Variants in LCORL observed in about 807,000 individuals in gnomAD.
LCORL encodes the protein ligand dependent nuclear receptor corepressor like, also known as ligand-dependent nuclear receptor corepressor-like protein.
LCORL carries 41 observed loss-of-function variants against 141.8 expected under a neutral mutation model. The observed-to-expected ratio is 0.29, with a 90% CI of 0.23 to 0.38. The LOEUF (loss-of-function observed/expected upper bound fraction) is 0.38, where lower values mean the gene tolerates loss of function less well. Among genes scored for constraint, LCORL ranks in the 10% least tolerant of loss-of-function variants. LCORL has a pLI of 1.00. For missense variants in LCORL, 1,759 were observed against 2,035.0 expected (o/e 0.86, Z 2.61); for synonymous variants, 618 against 694.1 (o/e 0.89, Z 1.72).
intron 1 of LCORL, among the ~76,000 whole-genome samples, chr4:17,989,506 A>G (rs540534068): frequency 4.2e-4 from 64 of 152,340 alleles, no homozygotes; most frequent in Non-Finnish European, 6.6e-4. Flanking sequence ...ATTACACTAG[A>G]GTTTATGATT....
At chr4:17,982,605 C>T (rs150001761) in intron 1 of LCORL, among the ~76,000 whole-genome samples, 55 of 152,174 alleles carry the variant, frequency 3.6e-4, no homozygotes, top group African/African-American at 5.3e-4. Context: ...GTCCTTTGCC[C>T]GCTTTTTAAT....
At chr4:17,985,964 A>C (rs1718892089) in intron 1 of LCORL, among the ~76,000 whole-genome samples, 1 of 152,138 alleles carries the variant, frequency 6.6e-6, no homozygotes, top group Admixed American at 6.5e-5. Context: ...GATAGTAACA[A>C]ATACCCTCAG....
At chr4:17,949,962 A>T (rs1739463606) in intron 4 of LCORL, among the ~76,000 whole-genome samples, 1 of 152,180 alleles carries the variant, frequency 6.6e-6, no homozygotes, top group African/African-American at 2.4e-5. Flanking sequence ...TTAAACCACT[A>T]TGCACATTTT....
At position 18,021,458 on chromosome 4, in the gene LCORL, G is replaced by T; in HGVS notation, c.154+140C>A. On this transcript the variant is annotated intron_variant, in intron 1 of 7. Transcript: ENST00000635767. The surrounding 1 kb of genome is among the most constrained non-coding windows in gnomAD (Gnocchi z 5.5). Reference sequence around the variant, plus strand: ...ACAAAAGGCGAGCGCCGGGGCCGCCGCGCCGCGCCGCTCCCATCTCGCTCC... The same window carrying T: ...ACAAAAGGCGAGCGCCGGGGCCGCCTCGCCGCGCCGCTCCCATCTCGCTCC... The T allele has an allele frequency of 1.5e-6, 1 of 673,014 alleles. No homozygotes were observed. The highest frequency in any genetic ancestry group is 2.3e-6 in the Non-Finnish European group (1 of 440,570). The allele number at this position is 673,014 out of a possible 1,614,324, so 41.7% of individuals were successfully genotyped here. A position where few individuals can be genotyped will look rare whatever the true frequency, so the allele number is the denominator to read the frequency against.
intron 4 of LCORL, among the ~76,000 whole-genome samples, chr4:17,959,212 A>G (rs552430964): frequency 6.6e-6 from 1 of 152,192 alleles, no homozygotes; most frequent in African/African-American, 2.4e-5. Flanking sequence ...ATAGAAACCT[A>G]TAAGAAATAT....
chr4:18,001,065 G>A (rs924229570), intron 1 of LCORL, among the ~76,000 whole-genome samples: 3 of 152,178 alleles, frequency 2.0e-5, no homozygotes, highest in African/African-American at 7.2e-5. Context: ...CAGCACTTTG[G>A]GAGGCCAAGG....
At chr4:18,014,833 T>C (rs562890593) in intron 1 of LCORL, among the ~76,000 whole-genome samples, 1 of 152,194 alleles carries the variant, frequency 6.6e-6, no homozygotes, top group African/African-American at 2.4e-5. Context: ...CTTATCTAGA[T>C]TGCATTGTGA....
chr4:17,979,763 C>T (rs1405903257), intron 1 of LCORL, among the ~76,000 whole-genome samples: 1 of 152,150 alleles, frequency 6.6e-6, no homozygotes, highest in Non-Finnish European at 1.5e-5. Context: ...ACCCAGTACC[C>T]TTGAGCAAAC....
intron 1 of LCORL, among the ~76,000 whole-genome samples, chr4:17,996,977 CG>C (rs1721016209): frequency 6.6e-6 from 1 of 152,098 alleles, no homozygotes; most frequent in Non-Finnish European, 1.5e-5. Flanking sequence ...CCAACCATTC[CG>C]TAAGTAAATT....
intron 6 of LCORL, among the ~76,000 whole-genome samples, 177 bp downstream of exon 6, chr4:17,885,891 A>C (rs1010085953): frequency 6.6e-6 from 1 of 151,900 alleles, no homozygotes; most frequent in Admixed American, 6.6e-5. Context: ...TCTTTAACAG[A>C]AAGAATAAAA....
At chr4:17,991,500 T>C (rs1171925749) in intron 1 of LCORL, among the ~76,000 whole-genome samples, 1 of 152,228 alleles carries the variant, frequency 6.6e-6, no homozygotes, top group Non-Finnish European at 1.5e-5. Context: ...TAGTCACACA[T>C]TCCAAGTTGG....
intron 6 of LCORL, chr4:17,883,673 A>AACACACAC (rs139656197): frequency 4.3e-5 from 56 of 1,316,060 alleles, no homozygotes; most frequent in African/African-American, 8.8e-5. Flanking sequence ...CACACACGCA[A>AACACACAC]ACACACACAC....
At chr4:17,850,322 A>G (rs113591949) in intron 7 of LCORL, among the ~76,000 whole-genome samples, 17,429 of 148,526 alleles carry the variant, frequency 0.12, 983 homozygotes, top group South Asian at 0.26. Flanking sequence ...AGCAAAAGAA[A>G]CTACCATCAG....
chr4:17,956,256 G>A (rs1028797560), intron 4 of LCORL, among the ~76,000 whole-genome samples: 10 of 151,964 alleles, frequency 6.6e-5, no homozygotes, highest in African/African-American at 1.9e-4. Flanking sequence ...CGGAGGTTTC[G>A]CAAGAAACTA....
At chr4:17,875,478 T>C in exon 7 of LCORL, 2 of 1,231,436 alleles carry the variant, frequency 1.6e-6, no homozygotes, top group Non-Finnish European at 2.0e-6. Context: ...ACCAGCATTA[T>C]TGTTTAAAGA....
At chr4:17,845,810 G>T (rs1302113572) in exon 8 of LCORL, 3 of 1,612,872 alleles carry the variant, frequency 1.9e-6, no homozygotes, top group African/African-American at 1.3e-5. Flanking sequence ...TCAATGGGAC[G>T]ATTAAGGCAC....
intron 5 of LCORL, among the ~76,000 whole-genome samples, chr4:17,890,322 T>C (rs1361663699): frequency 6.6e-6 from 1 of 152,118 alleles, no homozygotes; most frequent in Non-Finnish European, 1.5e-5. Context: ...GTATTTATTA[T>C]GCCATTTATG....
At chr4:18,020,091 T>C (rs1474260052) in intron 1 of LCORL, among the ~76,000 whole-genome samples, 3 of 152,294 alleles carry the variant, frequency 2.0e-5, no homozygotes, top group East Asian at 3.9e-4. Flanking sequence ...TACTTAAACA[T>C]CACTTAAATG....
intron 1 of LCORL, among the ~76,000 whole-genome samples, chr4:17,988,901 T>C (rs1470579046): frequency 1.3e-5 from 2 of 152,124 alleles, no homozygotes; most frequent in Non-Finnish European, 2.9e-5. Flanking sequence ...GGAGAATCGT[T>C]TGAACTTGGG....
Sources: gnomAD v4.1 joint callset for allele counts (sites outside exome capture counted in the v4.1 genomes callset) on GRCh38, gnomAD v4.1.1 for gene constraint, Gnocchi (gnomAD v3.1) non-coding constraint, MANE v1.5 for transcripts, NCBI Gene and HGNC (gene_info 2026-07-23, HGNC 2026-07-21) for gene names.